The following ITGA6 variants were observed in gnomAD, a reference collection of about 807,000 sequenced individuals.
The protein encoded by ITGA6 is integrin alpha-6.
Under a neutral mutation model 133.6 loss-of-function variants are expected in ITGA6, and 63 were observed. The ratio of observed to expected loss-of-function variants is 0.47; its 90% CI spans 0.38 to 0.58. The LOEUF is 0.58. ITGA6 is among the 20% of genes least tolerant of loss of function. ITGA6 has a pLI of 0.00. For missense variants in ITGA6, 1,068 were observed against 1,309.4 expected (o/e 0.82, Z 2.85); for synonymous variants, 434 against 482.0 (o/e 0.90, Z 1.30).
At chr2:172,479,057 G>T (rs541462253) in intron 9 of ITGA6, among the ~76,000 whole-genome samples, 1 of 152,220 alleles carries the variant, frequency 6.6e-6, no homozygotes, top group African/African-American at 2.4e-5. Flanking sequence ...TCAAGTGTGT[G>T]CACAGATGAT....
At position 172,485,323 on chromosome 2, in the gene ITGA6, A is replaced by C. The variant is rs1686620819; in HGVS notation, c.1854+59A>C. The C allele has an allele frequency of 2.1e-6, 3 of 1,459,580 alleles. No individual in the cohort carries two copies. The East Asian group carries it at 6.8e-5, about 33-fold the overall frequency. The allele number at this position is 1,459,580 out of a possible 1,614,324, so 90.4% of individuals were successfully genotyped here. On this transcript the variant is annotated intron_variant, in intron 13 of 25. Transcript: ENST00000684293. ...TTTTTGCCATTTATGATGCTAAATCAAATGTCTTTGAAGGGAATAGAACTA... is the reference window on the plus strand; with the variant it reads ...TTTTTGCCATTTATGATGCTAAATCCAATGTCTTTGAAGGGAATAGAACTA...
intron 11 of ITGA6, among the ~76,000 whole-genome samples, chr2:172,484,502 C>G (rs958046732): frequency 1.5e-5 from 2 of 136,738 alleles, no homozygotes; most frequent in Non-Finnish European, 3.2e-5. Flanking sequence ...GAAACTGATT[C>G]TTAATAACTG....
intron 23 of ITGA6, 121 bp from the exon 24 acceptor site, chr2:172,497,854 C>G: frequency 1.1e-6 from 1 of 945,428 alleles, no homozygotes; most frequent in Non-Finnish European, 1.7e-6. Context: ...AGAAAGTCAT[C>G]TCATCCATTC....
At chr2:172,500,420 G>A (rs1185151474) in intron 24 of ITGA6, among the ~76,000 whole-genome samples, 1 of 152,172 alleles carries the variant, frequency 6.6e-6, no homozygotes, top group East Asian at 1.9e-4. Flanking sequence ...CACGACGTCA[G>A]GAGATGGAGA....
Position 172,480,034 on chromosome 2 carries a change from G to A in ITGA6, c.1532G>A (p.Gly511Asp). 1 of 1,580,776 alleles carries A rather than the reference G, an allele frequency of 6.3e-7. No individual in the cohort carries two copies. Among genetic ancestry groups the A allele is most frequent in the East Asian group, 2.2e-5 (1 of 44,720 alleles). ...TTTGAATATACTGCTAACCCCGCTG[G>A]TTATAATCCTTCAATATGTAAGTAC... ...SCFEYTANPA[G>D]YNPSISIVGT... Residue 511 changes from glycine to aspartate, a missense_variant, in exon 11 of 26, where the codon GGT becomes GAT. Around this residue, in one of 3 missense-constraint regions of ITGA6, gnomAD observed 609 missense variants for 707.2 expected, o/e 0.86. Coordinates refer to ENST00000684293, the MANE Select transcript of ITGA6 (RefSeq NM_000210.4).
chr2:172,445,583 A>G (rs1684730125), intron 1 of ITGA6, among the ~76,000 whole-genome samples: 1 of 147,588 alleles, frequency 6.8e-6, no homozygotes, highest in Non-Finnish European at 1.5e-5. Context: ...CGGGAGGCGG[A>G]GCTTGCAGTG....
Position 172,487,396 on chromosome 2 carries a change from T to G in ITGA6, c.2103T>G (p.Ile701Met), listed in dbSNP as rs756189482. 4 of 1,614,072 alleles carry G rather than the reference T, an allele frequency of 2.5e-6. No homozygotes were observed. The highest frequency in any genetic ancestry group is 3.4e-6 in the Non-Finnish European group (4 of 1,180,010). Residue 701 changes from isoleucine to methionine, a missense_variant, in exon 15 of 26, where the codon ATT (isoleucine) becomes ATG (methionine). Transcript: ENST00000684293. ...DGDDAHEAKLIATFPDTLTYS... is the reference protein window; with the variant it reads ...DGDDAHEAKLMATFPDTLTYS... Reference sequence around the variant, plus strand: ...ATGACGCCCATGAGGCTAAACTGATTGCAACGTTTCCAGACACTTTAACCT... The same window carrying G: ...ATGACGCCCATGAGGCTAAACTGATGGCAACGTTTCCAGACACTTTAACCT...
intron 11 of ITGA6, among the ~76,000 whole-genome samples, chr2:172,481,970 G>A (rs1267143463): frequency 1.3e-5 from 2 of 152,148 alleles, no homozygotes; most frequent in East Asian, 1.9e-4. Context: ...GAGACAAGGA[G>A]AAAACAGTGA....
chr2:172,441,204 T>C (rs1381893868), intron 1 of ITGA6, among the ~76,000 whole-genome samples: 1 of 152,184 alleles, frequency 6.6e-6, no homozygotes, highest in African/African-American at 2.4e-5. Flanking sequence ...TGATGAGATT[T>C]CTAATAAGTT....
intron 7 of ITGA6, 61 bp from the exon 8 acceptor site, chr2:172,475,536 C>CA: frequency 1.1e-6 from 1 of 933,790 alleles, no homozygotes; most frequent in Non-Finnish European, 1.8e-6. Flanking sequence ...TACTTTAAAA[C>CA]ATTTTACTAG....
intron 23 of ITGA6, among the ~76,000 whole-genome samples, chr2:172,494,221 C>G (rs1687036725): frequency 6.6e-6 from 1 of 152,146 alleles, no homozygotes; most frequent in African/African-American, 2.4e-5. Flanking sequence ...CCACGAATTT[C>G]AAGAGTTTTG....
intron 25 of ITGA6, 86 bp downstream of exon 25, chr2:172,501,987 G>A (rs1442614154): frequency 2.5e-6 from 3 of 1,191,202 alleles, no homozygotes. Context: ...CTTGCTATGT[G>A]TGTCCCATTA....
chr2:172,498,964 A>G (rs896360446), intron 24 of ITGA6, among the ~76,000 whole-genome samples: 1 of 152,208 alleles, frequency 6.6e-6, no homozygotes, highest in African/African-American at 2.4e-5. Context: ...TTTTGATTAT[A>G]GTAGCATTAG....
intron 5 of ITGA6, among the ~76,000 whole-genome samples, chr2:172,473,051 G>A (rs1686015374): frequency 6.6e-6 from 1 of 152,138 alleles, no homozygotes; most frequent in Admixed American, 6.5e-5. Context: ...CCAGATGGTT[G>A]TAAGAGCTGG....
At chr2:172,486,856 G>A (rs1686702168) in intron 13 of ITGA6, among the ~76,000 whole-genome samples, 167 bp from the exon 14 acceptor site, 1 of 152,152 alleles carries the variant, frequency 6.6e-6, no homozygotes. Context: ...TTTTACTAAA[G>A]GACAGAATGG....
chr2:172,438,273 C>G (rs968987465), intron 1 of ITGA6, among the ~76,000 whole-genome samples: 2 of 151,494 alleles, frequency 1.3e-5, no homozygotes, highest in Non-Finnish European at 2.9e-5. Flanking sequence ...GAGGACGTAC[C>G]GTGGGGGAGG....
At chr2:172,468,878 A>G (rs1209254225) in intron 3 of ITGA6, 2 of 454,060 alleles carry the variant, frequency 4.4e-6, no homozygotes, top group Non-Finnish European at 7.9e-6. Flanking sequence ...ATTGTCATTC[A>G]ATTTTGGATT....
intron 20 of ITGA6, among the ~76,000 whole-genome samples, chr2:172,490,426 G>C (rs1686873600): frequency 6.6e-6 from 1 of 152,194 alleles, no homozygotes; most frequent in Non-Finnish European, 1.5e-5. Context: ...AAATTCTAAG[G>C]TGACTGGGTA....
At position 172,493,566 on chromosome 2, in the gene ITGA6, C is replaced by T. The variant is rs115897233; in HGVS notation, c.2988+2043C>T. On this transcript the variant is annotated intron_variant, in intron 23 of 25. Transcript: ENST00000684293. Reference sequence around the variant, plus strand: ...GAATGCCAAGGGTAAACATTGTACTCATTTTACAAACAAGGAAGCAGACTC... The same window carrying T: ...GAATGCCAAGGGTAAACATTGTACTTATTTTACAAACAAGGAAGCAGACTC... Among the ~76,000 whole-genome samples, 146 of 152,184 alleles carry T rather than the reference C, an allele frequency of 9.6e-4. 1 individual carries two copies. The highest frequency in any genetic ancestry group is 1.3e-3 in the Non-Finnish European group (91 of 68,012).
Sources: allele counts gnomAD v4.1 joint callset (sites outside exome capture counted in the v4.1 genomes callset), GRCh38; gene constraint gnomAD v4.1.1; regional missense constraint gnomAD v4.1.1; transcripts MANE v1.5; gene names NCBI Gene and HGNC (gene_info 2026-07-23, HGNC 2026-07-21).